SNTG2: variants seen among roughly 807,000 people sequenced by gnomAD.
The protein encoded by SNTG2 is syntrophin gamma 2.
A neutral mutation model predicts 70.9 loss-of-function variants in SNTG2; 74 were observed. The ratio of observed to expected loss-of-function variants is 1.04; its 90% CI spans 0.86 to 1.27. The LOEUF (loss-of-function observed/expected upper bound fraction) is 1.27. Ranked by LOEUF, SNTG2 falls within the 50% of genes most tolerant of loss-of-function variation. The pLI is 0.00. For missense variants in SNTG2, 717 were observed against 690.7 expected (o/e 1.04, Z -0.43); for synonymous variants, 278 against 273.8 (o/e 1.02, Z -0.15).
At chr2:1,084,027 C>T (rs538319871) in intron 2 of SNTG2, among the ~76,000 whole-genome samples, 97 of 151,218 alleles carry the variant, frequency 6.4e-4, no homozygotes, top group African/African-American at 2.2e-3. Flanking sequence ...GGCAATAGAG[C>T]GAGGCTCCAT....
chr2:1,155,874 C>T (rs1159120986), intron 6 of SNTG2, among the ~76,000 whole-genome samples: 2 of 152,070 alleles, frequency 1.3e-5, no homozygotes. Context: ...GGGTGATGGC[C>T]ACACAGAGTG....
intron 1 of SNTG2, among the ~76,000 whole-genome samples, chr2:955,307 G>A (rs1456528472): frequency 1.3e-5 from 2 of 152,194 alleles, no homozygotes; most frequent in Non-Finnish European, 1.5e-5. Flanking sequence ...ACATTCACTC[G>A]ACATTTGGGT....
At chr2:1,148,537 T>A (rs1279731461) in intron 6 of SNTG2, among the ~76,000 whole-genome samples, 1 of 152,216 alleles carries the variant, frequency 6.6e-6, no homozygotes, top group Non-Finnish European at 1.5e-5. Context: ...GAGCTCTTCA[T>A]GCTGAAGATG....
intron 8 of SNTG2, among the ~76,000 whole-genome samples, chr2:1,195,400 T>G (rs948686470): frequency 2.6e-5 from 4 of 152,098 alleles, no homozygotes; most frequent in African/African-American, 9.7e-5. Flanking sequence ...TGTTTCCTTT[T>G]TAATGATCGC....
chr2:978,251 C>G (rs1307971505), intron 1 of SNTG2, among the ~76,000 whole-genome samples: 1 of 152,154 alleles, frequency 6.6e-6, no homozygotes, highest in Non-Finnish European at 1.5e-5. Flanking sequence ...GTTGGGGTGT[C>G]TGTTCCCACA....
At chr2:1,024,872 TAAAAAG>T (rs1194713015) in intron 1 of SNTG2, among the ~76,000 whole-genome samples, 1 of 151,988 alleles carries the variant, frequency 6.6e-6, no homozygotes, top group Non-Finnish European at 1.5e-5. Context: ...TACCAAGAAA[TAAAAAG>T]AAAGCAGAAA....
intron 1 of SNTG2, among the ~76,000 whole-genome samples, chr2:965,993 C>T (rs751917503): frequency 6.6e-6 from 1 of 152,220 alleles, no homozygotes; most frequent in Non-Finnish European, 1.5e-5. Flanking sequence ...CACTCAGTCC[C>T]TGCTTCTTCG....
intron 1 of SNTG2, among the ~76,000 whole-genome samples, chr2:970,512 C>T (rs9712292): frequency 0.32 from 45,525 of 140,104 alleles, 7,843 homozygotes; most frequent in Middle Eastern, 0.46. Flanking sequence ...AGTGAGAATA[C>T]GCGGTGTTTG....
chr2:1,328,332 C>T lies in SNTG2; in HGVS notation c.1488+11957C>T, dbSNP rs138697192. Among the ~76,000 whole-genome samples the T allele has an allele frequency of 3.1e-4, 47 of 152,192 alleles. No individual in the cohort carries two copies. The South Asian group carries it at 3.3e-3, about 11-fold the overall frequency. On this transcript the variant is annotated intron_variant, in intron 16 of 16. Transcript: ENST00000308624. The stretch of plus-strand genomic sequence containing the variant: ...GCATGCAGATACAACATATGACATA[C>T]GTGTACCTGTGTATGTATCTAAATG...
chr2:992,277 GA>G (rs913011690), intron 1 of SNTG2, among the ~76,000 whole-genome samples: 1 of 151,490 alleles, frequency 6.6e-6, no homozygotes, highest in Non-Finnish European at 1.5e-5. Context: ...ATTATGCTAA[GA>G]AAAAAAGACA....
At chr2:1,129,413 G>C (rs1667889263) in intron 4 of SNTG2, among the ~76,000 whole-genome samples, 2 of 152,196 alleles carry the variant, frequency 1.3e-5, no homozygotes, top group Admixed American at 1.3e-4. Flanking sequence ...ATCATTATTT[G>C]AGAATTCCTT....
Position 1,259,424 on chromosome 2 carries a change from CTATT to C in SNTG2, c.1063_1066del (p.Phe355LysfsTer126), listed in dbSNP as rs1678298797. On this transcript the variant is annotated frameshift_variant, in exon 13 of 17. Coordinates refer to ENST00000308624, the MANE Select transcript of SNTG2 (RefSeq NM_018968.4). LOFTEE classifies it high-confidence loss of function. The stretch of plus-strand genomic sequence containing the variant: ...AAGGACCTATCACCTCTGTGAGGTG[CTATT>C]TAAAGTTCACAAGGTAGGTATCTTT... 2 of 1,613,552 alleles carry C rather than the reference CTATT, an allele frequency of 1.2e-6. No individual in the cohort carries two copies. The highest frequency in any genetic ancestry group is 1.7e-6 in the Non-Finnish European group (2 of 1,179,476).
chr2:1,119,415 T>C (rs1667240306), intron 4 of SNTG2, among the ~76,000 whole-genome samples: 1 of 152,152 alleles, frequency 6.6e-6, no homozygotes, highest in Admixed American at 6.5e-5. Context: ...GTGTAACCCA[T>C]ACATGTCTCC....
chr2:1,281,485 GGT>G (rs1253916587), intron 14 of SNTG2, among the ~76,000 whole-genome samples: 1 of 75,202 alleles, frequency 1.3e-5, no homozygotes, highest in Non-Finnish European at 3.0e-5. Context: ...TGGTGTATAT[GGT>G]GTGTGGTGTG....
Position 951,083 on chromosome 2 carries a change from T to C in SNTG2, c.72+15T>C. ...TACCTGCGCGGGTGAGTGCGGCCCCTCAGCGCCCCTTCACCTCCGGCCCCC... is the reference window on the plus strand; with the variant it reads ...TACCTGCGCGGGTGAGTGCGGCCCCCCAGCGCCCCTTCACCTCCGGCCCCC... On this transcript the variant is annotated intron_variant, in intron 1 of 16. Transcript: ENST00000308624. The C allele has an allele frequency of 8.1e-7, 1 of 1,237,126 alleles. No individual in the cohort carries two copies. The highest frequency in any genetic ancestry group is 1.6e-5 in the African/African-American group (1 of 64,274). 76.6% of individuals were successfully genotyped at this position (1,237,126 alleles called of 1,614,324 possible).
intron 8 of SNTG2, among the ~76,000 whole-genome samples, chr2:1,181,922 C>G (rs530770220): frequency 6.6e-6 from 1 of 152,166 alleles, no homozygotes; most frequent in Non-Finnish European, 1.5e-5. Flanking sequence ...AAAAATCCCA[C>G]TCACATTAAT....
intron 2 of SNTG2, among the ~76,000 whole-genome samples, chr2:1,085,614 T>C: frequency 6.6e-6 from 1 of 152,250 alleles, no homozygotes; most frequent in Admixed American, 6.5e-5. Context: ...CAAAACTAGC[T>C]TTACCTTTAA....
At position 950,918 on chromosome 2, in the gene SNTG2, G is replaced by A. The variant is rs1659931174; in HGVS notation, c.-79G>A. The stretch of plus-strand genomic sequence containing the variant: ...CGCGGGCGCGGACGCGGCGCCTGGC[G>A]GGGCCCTGGGAGGCTCGGACGGGGT... On this transcript the variant is annotated 5_prime_UTR_variant, in exon 1 of 17. Transcript: ENST00000308624. 2 of 691,252 alleles carry A rather than the reference G, an allele frequency of 2.9e-6. No individual in the cohort carries two copies. Among genetic ancestry groups the A allele is most frequent in the Non-Finnish European group, 3.9e-6 (2 of 514,018 alleles). 42.8% of individuals were successfully genotyped at this position (691,252 alleles called of 1,614,324 possible). A position where few individuals can be genotyped will look rare whatever the true frequency, so the allele number is the denominator to read the frequency against.
chr2:1,289,027 A>G (rs1679882791), intron 14 of SNTG2, among the ~76,000 whole-genome samples: 1 of 151,808 alleles, frequency 6.6e-6, no homozygotes, highest in Non-Finnish European at 1.5e-5. Flanking sequence ...CCTCTATTCC[A>G]CGATCATCTT....
Sources: allele counts gnomAD v4.1 joint callset (sites outside exome capture counted in the v4.1 genomes callset), GRCh38; gene constraint gnomAD v4.1.1; transcripts MANE v1.5; gene names NCBI Gene and HGNC (gene_info 2026-07-23, HGNC 2026-07-21).